The following CA11 variants were observed in gnomAD, a reference collection of about 807,000 sequenced individuals.
CA11 encodes the protein carbonic anhydrase-related protein 11.
Under a neutral mutation model 39.3 loss-of-function variants are expected in CA11, and 20 were observed. The observed-to-expected ratio is 0.51, with a 90% confidence interval of 0.36 to 0.74. The LOEUF is 0.74. Among genes scored for constraint, CA11 ranks in the 30% least tolerant of loss-of-function variants. The pLI is 0.00. For synonymous variants in CA11, 166 were observed against 172.5 expected, an observed-to-expected ratio of 0.96 and a Z score of 0.29; for missense variants, 336 against 424.6, an observed-to-expected ratio of 0.79 and a Z score of 1.83.
intron 3 of CA11, 28 bp from the exon 4 acceptor site, chr19:48,640,308 G>C (rs1377541256): frequency 6.3e-7 from 1 of 1,589,912 alleles, no homozygotes; most frequent in Non-Finnish European, 8.6e-7. Flanking sequence ...GCTGTCAGGG[G>C]GCAGGGAGAG....
chr19:48,645,310 G>T (rs551950382), intron 2 of CA11, 93 bp downstream of exon 2: 12 of 1,101,016 alleles, frequency 1.1e-5, no homozygotes, highest in East Asian at 2.6e-5. Flanking sequence ...TCCTGGTCCT[G>T]GGGGGGAGGA....
chr19:48,641,674 T>C (rs750195231), intron 3 of CA11, among the ~76,000 whole-genome samples: 3 of 152,048 alleles, frequency 2.0e-5, no homozygotes, highest in Non-Finnish European at 4.4e-5. Flanking sequence ...AGACAAAGTC[T>C]CATTCTGGCA....
intron 3 of CA11, among the ~76,000 whole-genome samples, chr19:48,640,998 T>TA (rs58330844): frequency 2.4e-4 from 36 of 148,822 alleles, no homozygotes; most frequent in African/African-American, 8.7e-4. Context: ...TTTTTTTTTT[T>TA]AAATAGAATC....
In CA11 at chr19:48,639,018, T is replaced by G. The variant is rs759243693; in HGVS notation, c.831A>C (p.Pro277=). 1.9e-6 allele frequency: 3 copies of G among 1,613,618 alleles called. No individual in the cohort carries two copies. The highest frequency in any genetic ancestry group is 1.3e-5 in the African/African-American group (1 of 74,814). Residue 277 remains proline (P), a synonymous_variant, in exon 8 of 9, where the codon CCA becomes CCC. Coordinates refer to ENST00000084798, the MANE Select transcript of CA11 (RefSeq NM_001217.5). ...HSLRLLSQNP[P]SQIFQSLSGN... ...CGCTGAGGCTCTGGAAGATCTGAGATGGAGGATTCTGGCTCAGGAGTCTCA... is the reference window on the plus strand; with the variant it reads ...CGCTGAGGCTCTGGAAGATCTGAGAGGGAGGATTCTGGCTCAGGAGTCTCA...
At chr19:48,639,092 T>G (rs781594472) in intron 7 of CA11, 39 bp from the exon 8 acceptor site, 1 of 1,610,724 alleles carries the variant, frequency 6.2e-7, no homozygotes, top group African/African-American at 1.3e-5. Context: ...GAGTGAATAG[T>G]GAATGGTCTT....
rs202060707 is a variant in CA11 at position 48,638,993 on chromosome 19, C to T, written c.856G>A (p.Gly286Ser). The T allele has an allele frequency of 2.9e-5, 46 of 1,613,936 alleles. No homozygotes were observed. In the East Asian group the frequency reaches 7.6e-4, roughly 27 times the overall value. The part of the protein sequence containing the change: ...PPSQIFQSLS[G>S]NSRPLQPLAH... ...AAGGGCTGCAGGGGCCGGCTGTTAC[C>T]GCTGAGGCTCTGGAAGATCTGAGAT... The change falls in exon 8 of 9, where the codon GGT becomes AGT. Residue 286 changes from glycine (G) to serine (S), a missense_variant. Physicochemically the swap from Gly to Ser is moderately conservative, Grantham distance 56. Coordinates refer to ENST00000084798, the MANE Select transcript of CA11 (RefSeq NM_001217.5).
rs370921025 is a variant in CA11, at chr19:48,639,511, C to G, written c.640+38G>C. The G allele has an allele frequency of 3.1e-6, 5 of 1,613,822 alleles. No individual in the cohort carries two copies. In the African/African-American group the frequency reaches 6.7e-5, roughly 22 times the overall value. Reference sequence around the variant, plus strand: ...GAGGGATGGCACTCTTGAACCCCCTCGTGTGTGACCACTGCCCCCAGCACG... The same window carrying G: ...GAGGGATGGCACTCTTGAACCCCCTGGTGTGTGACCACTGCCCCCAGCACG... On this transcript the variant is annotated intron_variant, in intron 6 of 8. Coordinates refer to ENST00000084798, the MANE Select transcript of CA11 (RefSeq NM_001217.5).
At position 48,645,608 on chromosome 19, in the gene CA11, C is replaced by A; in HGVS notation, c.25G>T (p.Ala9Ser). The change falls in exon 1 of 9, where the codon GCC (alanine) becomes TCC (serine). Residue 9 changes from alanine to serine, a missense_variant. Coordinates refer to ENST00000084798, the MANE Select transcript of CA11 (RefSeq NM_001217.5). ...GCCCAGAGTACCAGCGCTCGAGGGG[C>A]GCTCAGACGAGCTGCAGCCCCCATC... The part of the protein sequence containing the change: MGAAARLS[A>S]PRALVLWAAL... 6.2e-7 allele frequency: 1 copy of A among 1,600,986 alleles called. No individual in the cohort carries two copies. Among genetic ancestry groups the A allele is most frequent in the South Asian group, 1.1e-5 (1 of 89,020 alleles).
Position 48,640,040 on chromosome 19 carries a change from G to A in CA11, c.471+55C>T, listed in dbSNP as rs1437395433. On this transcript the variant is annotated intron_variant, in intron 4 of 8. Transcript: ENST00000084798. ...GAGACACTAAGAGGGTGAGGTGGGAGGAATTGGGGTGACTCAGGGCGGAGG... is the reference window on the plus strand; with the variant it reads ...GAGACACTAAGAGGGTGAGGTGGGAAGAATTGGGGTGACTCAGGGCGGAGG... The A allele has an allele frequency of 7.0e-6, 11 of 1,571,536 alleles. No homozygotes were observed. The Admixed American group carries it at 1.5e-4, about 22-fold the overall frequency.
In CA11 at chr19:48,643,166, TCTTTCTTTCTCG is replaced by T. The variant is rs910849315; in HGVS notation, c.285+1249_285+1260del. On this transcript the variant is annotated intron_variant, in intron 3 of 8. Coordinates refer to ENST00000084798, the MANE Select transcript of CA11 (RefSeq NM_001217.5). The surrounding 1 kb of genome is among the most constrained non-coding windows in gnomAD (Gnocchi z 4.3). Reference sequence around the variant, plus strand: ...TTCCTTCCTTCCTTCTCTCTTTCTCTCTTTCTTTCTCGCTCTCTCTCTTTCTTTTCTCTCCCT... The same window carrying T: ...TTCCTTCCTTCCTTCTCTCTTTCTCTCTCTCTCTCTTTCTTTTCTCTCCCT... Among the ~76,000 whole-genome samples, 85 of 151,872 alleles carry T rather than the reference TCTTTCTTTCTCG, an allele frequency of 5.6e-4. No homozygotes were observed. Among genetic ancestry groups the T allele is most frequent in the African/African-American group, 1.7e-3 (71 of 41,206 alleles).
intron 7 of CA11, 32 bp from the exon 8 acceptor site, chr19:48,639,085 T>C: frequency 6.2e-7 from 1 of 1,610,454 alleles, no homozygotes; most frequent in Non-Finnish European, 8.5e-7. Context: ...AAACTGGGAG[T>C]GAATAGTGAA....
intron 3 of CA11, among the ~76,000 whole-genome samples, chr19:48,640,605 C>G (rs2147719155): frequency 6.6e-6 from 1 of 151,658 alleles, no homozygotes; most frequent in Non-Finnish European, 1.5e-5. Context: ...AACTCCCGAC[C>G]TCTGGTGATC....
rs117828482 is a variant in CA11, at chr19:48,642,448, G to C, written c.285+1979C>G. On this transcript the variant is annotated intron_variant, in intron 3 of 8. Coordinates refer to ENST00000084798, the MANE Select transcript of CA11 (RefSeq NM_001217.5). ...TAGGAGGCGGAGGTTGCAGTGATCT[G>C]AGATCATTCCATTACACTCCAGCCT... 2.0e-3 allele frequency among the ~76,000 whole-genome samples: 301 copies of C among 152,276 alleles called. 9 individuals carry two copies. In the East Asian group the frequency reaches 0.05, roughly 25 times the overall value.
In CA11 at chr19:48,638,042, A is replaced by G; in HGVS notation, c.*77T>C. The G allele has an allele frequency of 9.3e-7, 1 of 1,072,016 alleles. No individual in the cohort carries two copies. Among genetic ancestry groups the G allele is most frequent in the Non-Finnish European group, 1.3e-6 (1 of 772,576 alleles). The allele number at this position is 1,072,016 out of a possible 1,614,324, so 66.4% of individuals were successfully genotyped here. A position where few individuals can be genotyped will look rare whatever the true frequency, so the allele number is the denominator to read the frequency against. On this transcript the variant is annotated 3_prime_UTR_variant, in exon 9 of 9. Coordinates refer to ENST00000084798, the MANE Select transcript of CA11 (RefSeq NM_001217.5). ...ACAGGAAGTATTCTGTCCCTTTAAT[A>G]GCTTTGTTTTAGGGGTAACTCCCCT...
rs1489028303 is a variant in CA11, at chr19:48,639,134, G to A, written c.796-81C>T. ...GTCACGCAGGAAACCCCGCCCCTGGGAGCAGGTGGGCGGGGTCTGTTCTCA... is the reference window on the plus strand; with the variant it reads ...GTCACGCAGGAAACCCCGCCCCTGGAAGCAGGTGGGCGGGGTCTGTTCTCA... On this transcript the variant is annotated intron_variant, in intron 7 of 8. Transcript: ENST00000084798. The A allele has an allele frequency of 8.2e-6, 13 of 1,576,884 alleles. No homozygotes were observed. In the Admixed American group the frequency reaches 1.1e-4, roughly 13 times the overall value.
intron 2 of CA11, among the ~76,000 whole-genome samples, chr19:48,645,096 G>C (rs1325339524): frequency 6.6e-6 from 1 of 152,136 alleles, no homozygotes; most frequent in Admixed American, 6.6e-5. Context: ...GACAAGGTGG[G>C]GGACGGGGCC....
At chr19:48,644,629 C>T in intron 2 of CA11, 60 bp from the exon 3 acceptor site, 2 of 1,385,368 alleles carry the variant, frequency 1.4e-6, no homozygotes, top group African/African-American at 2.9e-5. Flanking sequence ...GATCCCAGGG[C>T]TGGTATCTGC....
At chr19:48,642,894 C>A (rs2031132800) in intron 3 of CA11, among the ~76,000 whole-genome samples, 1 of 152,080 alleles carries the variant, frequency 6.6e-6, no homozygotes, top group African/African-American at 2.4e-5. Flanking sequence ...AGGCTTTTGG[C>A]TGGGGCAGCT....
At chr19:48,645,309 TG>T in intron 2 of CA11, 93 bp downstream of exon 2, 59 of 1,124,384 alleles carry the variant, frequency 5.2e-5, no homozygotes, top group Non-Finnish European at 7.1e-5. Flanking sequence ...CTCCTGGTCC[TG>T]GGGGGGAGGA....
Sources: allele counts gnomAD v4.1 joint callset (sites outside exome capture counted in the v4.1 genomes callset), GRCh38; gene constraint gnomAD v4.1.1; non-coding constraint Gnocchi (gnomAD v3.1); transcripts MANE v1.5; gene names NCBI Gene and HGNC (gene_info 2026-07-23, HGNC 2026-07-21).